Variants in ATXN1 observed in about 807,000 individuals in gnomAD.
ATXN1 encodes ataxin 1, also known as ataxin-1.
Under a neutral mutation model 56.4 loss-of-function variants are expected in ATXN1, and 8 were observed. That is an observed-to-expected ratio of 0.14 (90% confidence interval 0.08 to 0.26). ATXN1 has a LOEUF of 0.26. Ranked by LOEUF, ATXN1 falls within the 10% of genes least tolerant of loss-of-function variation. The pLI is 1.00. For missense variants in ATXN1, 987 were observed against 1,106.5 expected, an observed-to-expected ratio of 0.89 and a Z score of 1.53; for synonymous variants, 514 against 494.6, an observed-to-expected ratio of 1.04 and a Z score of -0.52.
chr6:16,717,953 T>G (rs1319254153), intron 2 of ATXN1, among the ~76,000 whole-genome samples: 4 of 152,256 alleles, frequency 2.6e-5, no homozygotes, highest in Admixed American at 2.6e-4. Context: ...GGACAAAGTT[T>G]CTGTTTGCTT....
chr6:16,527,985 T>C (rs922604862), intron 4 of ATXN1, among the ~76,000 whole-genome samples: 2 of 152,150 alleles, frequency 1.3e-5, no homozygotes, highest in East Asian at 1.9e-4. Flanking sequence ...TTGTGTGCTA[T>C]ACAATGGCTT....
intron 2 of ATXN1, among the ~76,000 whole-genome samples, chr6:16,670,383 A>T (rs1326193278): frequency 6.6e-6 from 1 of 152,176 alleles, no homozygotes; most frequent in Admixed American, 6.5e-5. Flanking sequence ...ACTGAAAACC[A>T]TGGTGACTGC....
At chr6:16,569,011 T>G (rs1762282215) in intron 4 of ATXN1, among the ~76,000 whole-genome samples, 1 of 152,120 alleles carries the variant, frequency 6.6e-6, no homozygotes, top group African/African-American at 2.4e-5. Flanking sequence ...ACCCAGCTCC[T>G]AAGAAGTGCA....
intron 4 of ATXN1, among the ~76,000 whole-genome samples, chr6:16,570,652 T>C (rs1384849323): frequency 6.6e-6 from 1 of 152,150 alleles, no homozygotes; most frequent in Non-Finnish European, 1.5e-5. Context: ...TTACCTTTAA[T>C]GGAAGAGGGG....
intron 4 of ATXN1, among the ~76,000 whole-genome samples, chr6:16,552,115 C>T (rs778872942): frequency 1.3e-5 from 2 of 152,156 alleles, no homozygotes; most frequent in Non-Finnish European, 2.9e-5. Flanking sequence ...TCAATGACAA[C>T]CCAGAATGGT....
At chr6:16,423,291 G>A (rs1357346958) in intron 6 of ATXN1, among the ~76,000 whole-genome samples, 1 of 152,114 alleles carries the variant, frequency 6.6e-6, no homozygotes. Context: ...ATAAATGAAG[G>A]TTATCTTCTT....
At chr6:16,687,657 T>C (rs1163884916) in intron 2 of ATXN1, among the ~76,000 whole-genome samples, 3 of 143,394 alleles carry the variant, frequency 2.1e-5, no homozygotes, top group African/African-American at 7.9e-5. Context: ...AAAGAAGAAA[T>C]ACACACACAC....
intron 6 of ATXN1, among the ~76,000 whole-genome samples, chr6:16,330,927 TA>T (rs971827083): frequency 1.1e-4 from 16 of 151,952 alleles, no homozygotes; most frequent in Admixed American, 9.2e-4. Context: ...AAAATAAGGT[TA>T]AAAAAACCCT....
At chr6:16,419,303 C>T (rs1758981412) in intron 6 of ATXN1, among the ~76,000 whole-genome samples, 1 of 152,088 alleles carries the variant, frequency 6.6e-6, no homozygotes, top group South Asian at 2.1e-4. Context: ...CAGTGCTTGG[C>T]ACATAATACA....
At chr6:16,565,077 T>A (rs1394308929) in intron 4 of ATXN1, among the ~76,000 whole-genome samples, 2 of 152,248 alleles carry the variant, frequency 1.3e-5, no homozygotes, top group African/African-American at 4.8e-5. Flanking sequence ...CATCTGCTTC[T>A]TTAAATCTTA....
intron 6 of ATXN1, among the ~76,000 whole-genome samples, chr6:16,419,548 G>T (rs540982798): frequency 6.6e-6 from 1 of 152,098 alleles, no homozygotes; most frequent in Non-Finnish European, 1.5e-5. Flanking sequence ...GGGTGGGTAT[G>T]GCAGTGTGCA....
chr6:16,553,285 G>C (rs1343100989), intron 4 of ATXN1, among the ~76,000 whole-genome samples: 1 of 152,120 alleles, frequency 6.6e-6, no homozygotes, highest in African/African-American at 2.4e-5. Flanking sequence ...CTAGATTAAA[G>C]ACTATCCCTT....
intron 6 of ATXN1, among the ~76,000 whole-genome samples, chr6:16,412,419 C>T (rs140009890): frequency 1.1e-4 from 16 of 152,220 alleles, no homozygotes; most frequent in African/African-American, 3.9e-4. Context: ...AAGCATGTAA[C>T]CAGACTGCTC....
At chr6:16,516,420 C>G (rs1761185019) in intron 5 of ATXN1, among the ~76,000 whole-genome samples, 1 of 152,062 alleles carries the variant, frequency 6.6e-6, no homozygotes, top group African/African-American at 2.4e-5. Flanking sequence ...GACAAGTGTC[C>G]CTTCTAGGCC....
intron 3 of ATXN1, among the ~76,000 whole-genome samples, chr6:16,654,541 T>TAAA (rs1212773515): frequency 8.2e-6 from 1 of 122,542 alleles, no homozygotes. Context: ...GACTCTGCCT[T>TAAA]AAAAAAAAAA....
chr6:16,404,328 G>C (rs1361989793), intron 6 of ATXN1, among the ~76,000 whole-genome samples: 1 of 152,170 alleles, frequency 6.6e-6, no homozygotes, highest in Non-Finnish European at 1.5e-5. Context: ...ACCAAAGTGA[G>C]CCTTGTTTGA....
At chr6:16,601,081 A>G (rs536301549) in intron 3 of ATXN1, among the ~76,000 whole-genome samples, 2 of 152,114 alleles carry the variant, frequency 1.3e-5, no homozygotes, top group Non-Finnish European at 2.9e-5. Context: ...AAAACGAAGG[A>G]CCCCACCATC....
intron 6 of ATXN1, among the ~76,000 whole-genome samples, chr6:16,365,120 T>A (rs2113481179): frequency 6.6e-6 from 1 of 152,300 alleles, no homozygotes; most frequent in Non-Finnish European, 1.5e-5. Context: ...GCACGTTTGT[T>A]ACATATGTAT....
intron 6 of ATXN1, among the ~76,000 whole-genome samples, chr6:16,332,509 G>C (rs1761015906): frequency 6.6e-6 from 1 of 152,168 alleles, no homozygotes; most frequent in Admixed American, 6.5e-5. Flanking sequence ...TGCCCTCCCA[G>C]GGGACCCCCG....
Sources: gnomAD v4.1 joint callset for allele counts (sites outside exome capture counted in the v4.1 genomes callset) on GRCh38, gnomAD v4.1.1 for gene constraint, MANE v1.5 for transcripts, NCBI Gene and HGNC (gene_info 2026-07-23, HGNC 2026-07-21) for gene names.